HPN: variants seen among roughly 807,000 people sequenced by gnomAD.
The protein encoded by HPN is hepsin.
In HPN, 13 loss-of-function variants were observed where a neutral mutation model predicts 55.9. The ratio of observed to expected loss-of-function variants is 0.23; its 90% confidence interval spans 0.15 to 0.37. HPN has a LOEUF of 0.37. Ranked by LOEUF, HPN falls within the 10% of genes least tolerant of loss-of-function variation. HPN has a pLI of 1.00. For missense variants in HPN, 451 were observed against 575.8 expected, an observed-to-expected ratio of 0.78 and a Z score of 2.22; for synonymous variants, 225 against 240.3, an observed-to-expected ratio of 0.94 and a Z score of 0.59.
At chr19:35,053,817 C>A (rs2064428357) in intron 4 of HPN, among the ~76,000 whole-genome samples, 1 of 150,848 alleles carries the variant, frequency 6.6e-6, no homozygotes, top group South Asian at 2.1e-4. Context: ...TGTTTCAAAC[C>A]CTGAGACTTG....
At chr19:35,057,998 A>C (rs1005474878) in intron 4 of HPN, among the ~76,000 whole-genome samples, 1 of 151,632 alleles carries the variant, frequency 6.6e-6, no homozygotes, top group Admixed American at 6.6e-5. Flanking sequence ...TTAAAATACA[A>C]AAAAATTAGC....
chr19:35,054,554 C>G (rs1369087272), intron 4 of HPN, among the ~76,000 whole-genome samples: 1 of 152,132 alleles, frequency 6.6e-6, no homozygotes. Flanking sequence ...GCTATTATTA[C>G]TGTGCTGTTG....
In HPN at chr19:35,059,763, G is replaced by A; in HGVS notation, c.251G>A (p.Arg84Lys). Residue 84 changes from arginine to lysine, a missense_variant, in exon 5 of 13, where the codon AGG (arginine) becomes AAG (lysine). Transcript: ENST00000672452. ...CTGTGCTCCTCGCGCTCCAACGCCA[G>A]GGTAGCCGGACTCAGCTGCGAGGAG... is the stretch of plus-strand genomic sequence containing the variant. ...RLLCSSRSNA[R>K]VAGLSCEEMG... is the part of the protein sequence containing the mutation. The A allele has an allele frequency of 6.3e-7, 1 of 1,590,836 alleles. No individual in the cohort carries two copies. Among genetic ancestry groups the A allele is most frequent in the Non-Finnish European group, 8.6e-7 (1 of 1,169,376 alleles).
At chr19:35,052,379 T>C (rs1352820157) in intron 4 of HPN, among the ~76,000 whole-genome samples, 1 of 151,814 alleles carries the variant, frequency 6.6e-6, no homozygotes, top group Non-Finnish European at 1.5e-5. Flanking sequence ...AACACAAAAA[T>C]TGGCCAGGCG....
intron 4 of HPN, among the ~76,000 whole-genome samples, chr19:35,050,920 T>C (rs2064398760): frequency 7.4e-6 from 1 of 135,204 alleles, no homozygotes; most frequent in African/African-American, 2.8e-5. Flanking sequence ...CTTTCTTTTT[T>C]TTTTTTTTTT....
Position 35,065,352 on chromosome 19 carries a change from C to A in HPN, c.907+7C>A. On this transcript the variant is annotated splice_region_variant and intron_variant, in intron 10 of 12. Transcript: ENST00000672452. Reference sequence around the variant, plus strand: ...GGCAACACGCAGTACTATGGTGAGTCCTGTCCTCTGCCTCTGATGCCACCG... The same window carrying A: ...GGCAACACGCAGTACTATGGTGAGTACTGTCCTCTGCCTCTGATGCCACCG... 6.2e-7 allele frequency: 1 copy of A among 1,608,048 alleles called. No individual in the cohort carries two copies.
intron 9 of HPN, among the ~76,000 whole-genome samples, chr19:35,061,955 G>A (rs1312951555): frequency 6.6e-6 from 1 of 152,146 alleles, no homozygotes; most frequent in African/African-American, 2.4e-5. Flanking sequence ...TTACTCAGGA[G>A]GCTAAGGCAG....
chr19:35,041,572 G>A (rs1051334644), upstream of HPN: 1 of 1,124,828 alleles, frequency 8.9e-7, no homozygotes, highest in African/African-American at 1.7e-5. Context: ...TCCCCCTGGA[G>A]GTCCAAGGCA....
intron 2 of HPN, among the ~76,000 whole-genome samples, chr19:35,043,327 C>T (rs530133493): frequency 6.6e-6 from 1 of 152,326 alleles, no homozygotes; most frequent in African/African-American, 2.4e-5. Context: ...CTACCTCTCA[C>T]ACATGGGACC....
intron 4 of HPN, chr19:35,059,013 T>C (rs2064490762): frequency 6.3e-6 from 1 of 158,138 alleles, no homozygotes; most frequent in South Asian, 1.8e-4. Flanking sequence ...TTAAATGGTT[T>C]TTTTTCTTCC....
At chr19:35,052,339 C>G (rs1037562221) in intron 4 of HPN, among the ~76,000 whole-genome samples, 7 of 151,994 alleles carry the variant, frequency 4.6e-5, no homozygotes, top group Admixed American at 2.0e-4. Context: ...ACCAGCCTGG[C>G]CAACGTGGTG....
chr19:35,043,277 G>A (rs2064311716), intron 2 of HPN, among the ~76,000 whole-genome samples: 2 of 152,278 alleles, frequency 1.3e-5, no homozygotes, highest in South Asian at 4.1e-4. Context: ...GCTGGCCCTT[G>A]GGAGTCTCTG....
At chr19:35,059,342 T>C in intron 4 of HPN, 1 of 448,624 alleles carries the variant, frequency 2.2e-6, no homozygotes, top group Non-Finnish European at 4.1e-6. Context: ...ATTAGTCAGG[T>C]GTGGTGGTGC....
chr19:35,041,689 C>CCGA, upstream of HPN: 1 of 385,808 alleles, frequency 2.6e-6, no homozygotes, highest in Non-Finnish European at 3.6e-6. Flanking sequence ...CCCGCCCCTT[C>CCGA]ACCCGCCCCT....
rs761174311 is a variant in HPN, at chr19:35,041,841, C to T, written c.-86C>T. ...GACTGACCCGACCCCGGCACTACCT[C>T]GAGGCTCCGCCCCCACCTGCTGGAC... is the stretch of plus-strand genomic sequence containing the variant. On this transcript the variant is annotated 5_prime_UTR_variant, in exon 1 of 13. Transcript: ENST00000672452. 1.5e-6 allele frequency: 2 copies of T among 1,343,102 alleles called. No homozygotes were observed. Among genetic ancestry groups the T allele is most frequent in the African/African-American group, 1.5e-5 (1 of 67,184 alleles). The allele number at this position is 1,343,102 out of a possible 1,614,324, so 83.2% of individuals were successfully genotyped here.
chr19:35,051,514 A>G (rs2064405193), intron 4 of HPN, among the ~76,000 whole-genome samples: 1 of 152,170 alleles, frequency 6.6e-6, no homozygotes, highest in Non-Finnish European at 1.5e-5. Flanking sequence ...CCCAAAGTGC[A>G]GGGATTACAG....
At chr19:35,048,996 G>A (rs897083254) in intron 2 of HPN, among the ~76,000 whole-genome samples, 1 of 152,214 alleles carries the variant, frequency 6.6e-6, no homozygotes, top group African/African-American at 2.4e-5. Context: ...TGTCACTGGG[G>A]AGGAGACATT....
At chr19:35,066,134 G>C in intron 12 of HPN, 102 bp downstream of exon 12, 2 of 1,612,972 alleles carry the variant, frequency 1.2e-6, no homozygotes, top group Non-Finnish European at 1.7e-6. Context: ...CTCAGGCCTA[G>C]AAGAGGGCCC....
chr19:35,066,139 G>C, intron 12 of HPN, 107 bp downstream of exon 12: 17 of 1,612,818 alleles, frequency 1.1e-5, no homozygotes, highest in Non-Finnish European at 1.4e-5. Flanking sequence ...GCCTAGAAGA[G>C]GGCCCCCCTT....
Sources: gnomAD v4.1 joint callset for allele counts (sites outside exome capture counted in the v4.1 genomes callset) on GRCh38, gnomAD v4.1.1 for gene constraint, MANE v1.5 for transcripts, NCBI Gene and HGNC (gene_info 2026-07-23, HGNC 2026-07-21) for gene names.